SNX9: variants seen among roughly 807,000 people sequenced by gnomAD.
SNX9 encodes sorting nexin 9, also known as sorting nexin-9.
Under a neutral mutation model 89.4 loss-of-function variants are expected in SNX9, and 44 were observed. The ratio of observed to expected loss-of-function variants is 0.49; its 90% CI spans 0.39 to 0.63. SNX9 has a LOEUF of 0.63. Among genes scored for constraint, SNX9 ranks in the 30% least tolerant of loss-of-function variants. SNX9 has a pLI of 0.00. For synonymous variants in SNX9, 236 were observed against 247.8 expected, an observed-to-expected ratio of 0.95 and a Z score of 0.45; for missense variants, 578 against 736.1, an observed-to-expected ratio of 0.79 and a Z score of 2.49.
Position 157,942,934 on chromosome 6 carries a change from G to C in SNX9, c.*96G>C. On this transcript the variant is annotated 3_prime_UTR_variant, in exon 18 of 18. Transcript: ENST00000392185. ...TTTCCCCTATTATTCAGAAAAAAAA[G>C]GAAACAAAACCAAAAAGAAAGAGTT... The C allele has an allele frequency of 7.4e-7, 1 of 1,347,940 alleles. No homozygotes were observed. Among genetic ancestry groups the C allele is most frequent in the South Asian group, 1.4e-5 (1 of 70,734 alleles). 83.5% of individuals were successfully genotyped at this position (1,347,940 alleles called of 1,614,324 possible). A position where few individuals can be genotyped will look rare whatever the true frequency, so the allele number is the denominator to read the frequency against.
intron 1 of SNX9, among the ~76,000 whole-genome samples, chr6:157,836,876 C>T (rs1781594744): frequency 6.6e-6 from 1 of 152,146 alleles, no homozygotes; most frequent in African/African-American, 2.4e-5. Context: ...CAGGCGTGAG[C>T]CACCGCGCCC....
intron 4 of SNX9, among the ~76,000 whole-genome samples, chr6:157,888,160 C>G (rs1782776337): frequency 6.6e-6 from 1 of 152,208 alleles, no homozygotes; most frequent in African/African-American, 2.4e-5. Flanking sequence ...GGTGGCTTTG[C>G]TGATTTTGTC....
intron 1 of SNX9, among the ~76,000 whole-genome samples, chr6:157,864,564 A>G (rs2115132408): frequency 6.6e-6 from 1 of 152,330 alleles, no homozygotes; most frequent in Non-Finnish European, 1.5e-5. Context: ...AAATTTCAGC[A>G]GGATTCTTGA....
chr6:157,873,689 T>C (rs990528218), intron 3 of SNX9, among the ~76,000 whole-genome samples: 9 of 151,494 alleles, frequency 5.9e-5, no homozygotes, highest in African/African-American at 1.9e-4. Flanking sequence ...TTTGCTGATA[T>C]TGCTGCCATC....
At chr6:157,909,240 A>C (rs1388838812) in intron 7 of SNX9, among the ~76,000 whole-genome samples, 1 of 152,250 alleles carries the variant, frequency 6.6e-6, no homozygotes, top group Non-Finnish European at 1.5e-5. Flanking sequence ...TGAAAACTTG[A>C]GGACAATTTG....
intron 2 of SNX9, 36 bp downstream of exon 2, chr6:157,867,669 T>C: frequency 6.8e-7 from 1 of 1,473,036 alleles, no homozygotes; most frequent in Non-Finnish European, 9.3e-7. Flanking sequence ...GATTGTCCCA[T>C]GTGGACTTAT....
chr6:157,840,437 C>CCTTT (rs1157616496), intron 1 of SNX9, among the ~76,000 whole-genome samples: 1 of 151,274 alleles, frequency 6.6e-6, no homozygotes, highest in Non-Finnish European at 1.5e-5. Context: ...TCTTTTCTTT[C>CCTTT]CTTTCTTTCC....
intron 1 of SNX9, among the ~76,000 whole-genome samples, chr6:157,852,742 A>G (rs776719453): frequency 2.6e-5 from 4 of 151,946 alleles, no homozygotes; most frequent in Admixed American, 2.6e-4. Context: ...ATGCCCGGCT[A>G]ATTTTTGTAT....
At chr6:157,846,040 A>C (rs1010629225) in intron 1 of SNX9, among the ~76,000 whole-genome samples, 7 of 152,152 alleles carry the variant, frequency 4.6e-5, no homozygotes, top group African/African-American at 1.7e-4. Flanking sequence ...TTCTGGTGAG[A>C]GGCGCCCGTC....
chr6:157,910,025 G>A lies in SNX9; in HGVS notation c.949G>A (p.Gly317Ser). The A allele has an allele frequency of 6.2e-7, 1 of 1,609,406 alleles. No individual in the cohort carries two copies. Among genetic ancestry groups the A allele is most frequent in the Non-Finnish European group, 8.5e-7 (1 of 1,175,736 alleles). The change falls in exon 9 of 18, where the codon GGC (glycine) becomes AGC (serine). Residue 317 changes from glycine (G) to serine (S), a missense_variant and splice_region_variant. Gly to Ser is a moderately conservative substitution (Grantham distance 56). Around this residue, in one of 2 missense-constraint regions of SNX9, gnomAD observed 348 missense variants for 491.4 expected, o/e 0.71. Transcript: ENST00000392185. Reference sequence around the variant, plus strand: ...TTCTCTTCCAGACAAACAAGTCACAGGTGAGTGTGTGTAATGCTAAACCCA... The same window carrying A: ...TTCTCTTCCAGACAAACAAGTCACAAGTGAGTGTGTGTAATGCTAAACCCA... The part of the protein sequence containing the change: ...IPSLPDKQVT[G>S]RFEEEFIKMR...
intron 15 of SNX9, 96 bp from the exon 16 acceptor site, chr6:157,938,537 G>A: frequency 2.6e-6 from 2 of 755,662 alleles, no homozygotes; most frequent in South Asian, 2.0e-5. Context: ...CTGTTCAGTA[G>A]CAAATCAGTT....
At chr6:157,868,954 C>G (rs1782330178) in intron 2 of SNX9, among the ~76,000 whole-genome samples, 1 of 152,244 alleles carries the variant, frequency 6.6e-6, no homozygotes, top group Admixed American at 6.5e-5. Flanking sequence ...TCTGTGTCCT[C>G]TCCCTCGTGA....
In SNX9 at chr6:157,894,106, C is replaced by CTTTTTTTTT. The variant is rs746909411; in HGVS notation, c.301-2708_301-2700dup. Among the ~76,000 whole-genome samples, 70 of 89,530 alleles carry CTTTTTTTTT rather than the reference C, an allele frequency of 7.8e-4. 3 individuals carry two copies. Among genetic ancestry groups the CTTTTTTTTT allele is most frequent in the Non-Finnish European group, 1.1e-3 (49 of 45,690 alleles). 58.7% of individuals were successfully genotyped at this position (89,530 alleles called of 152,430 possible). A position where few individuals can be genotyped will look rare whatever the true frequency, so the allele number is the denominator to read the frequency against. On this transcript the variant is annotated intron_variant, in intron 4 of 17. Transcript: ENST00000392185. Reference sequence around the variant, plus strand: ...TTCTTTTTCTTTTCGCTTTTCTTTTCTTTTTTTTTTTTTTTTTTTTTGAGA... The same window carrying CTTTTTTTTT: ...TTCTTTTTCTTTTCGCTTTTCTTTTCTTTTTTTTTTTTTTTTTTTTTTTTTTTTTTGAGA...
intron 9 of SNX9, among the ~76,000 whole-genome samples, chr6:157,917,901 A>G (rs1000313091): frequency 2.0e-5 from 3 of 152,162 alleles, no homozygotes; most frequent in Admixed American, 6.5e-5. Context: ...AACCAACTCT[A>G]TGTTTAATTT....
At position 157,896,989 on chromosome 6, in the gene SNX9, CA is replaced by C; in HGVS notation, c.465del (p.Gly156AspfsTer46). 1 of 1,598,104 alleles carries C rather than the reference CA, an allele frequency of 6.3e-7. No homozygotes were observed. Among genetic ancestry groups the C allele is most frequent in the Non-Finnish European group, 8.5e-7 (1 of 1,174,936 alleles). On this transcript the variant is annotated frameshift_variant, in exon 5 of 18. Transcript: ENST00000392185. LOFTEE classifies it high-confidence loss of function. ...DTAFGHPQAY[Q>X]GPATGDDDDW... ...TGCCTTCGGCCACCCCCAGGCCTAC[CA>C]AGGACCAGGTGAGGAGAGGGGTGCA...
chr6:157,834,150 G>GT (rs561509955), intron 1 of SNX9, among the ~76,000 whole-genome samples: 3,111 of 35,420 alleles, frequency 0.088, 963 homozygotes, highest in Admixed American at 0.11. Context: ...GTCCACTGTG[G>GT]TTTTTTTTTT....
intron 4 of SNX9, among the ~76,000 whole-genome samples, chr6:157,887,982 G>A (rs1218337071): frequency 2.6e-5 from 4 of 152,122 alleles, no homozygotes; most frequent in Non-Finnish European, 5.9e-5. Flanking sequence ...TCTTGGAAGC[G>A]CATCAGTCAG....
intron 2 of SNX9, among the ~76,000 whole-genome samples, chr6:157,871,455 A>G (rs1409927605): frequency 6.6e-6 from 1 of 151,936 alleles, no homozygotes; most frequent in Non-Finnish European, 1.5e-5. Flanking sequence ...GCATGTTCTC[A>G]TTCATAGGTG....
At chr6:157,935,064 AAATT>A (rs1291671831) in intron 13 of SNX9, among the ~76,000 whole-genome samples, 3 of 152,380 alleles carry the variant, frequency 2.0e-5, no homozygotes, top group East Asian at 3.9e-4. Context: ...GCTTTTTAAG[AAATT>A]AATCTCAGTT....
Sources: gnomAD v4.1 joint callset for allele counts (sites outside exome capture counted in the v4.1 genomes callset) on GRCh38, gnomAD v4.1.1 for gene constraint, gnomAD v4.1.1 regional missense constraint, MANE v1.5 for transcripts, NCBI Gene and HGNC (gene_info 2026-07-23, HGNC 2026-07-21) for gene names.